Variants in MALRD1 observed in about 807,000 individuals in gnomAD.
MALRD1 encodes MAM and LDL receptor class A domain containing 1.
Under a neutral mutation model 242.1 loss-of-function variants are expected in MALRD1, and 247 were observed. That is an observed-to-expected ratio of 1.02 (90% CI 0.92 to 1.13). MALRD1 has a LOEUF of 1.13. Ranked by LOEUF, MALRD1 falls within the 50% of genes most tolerant of loss-of-function variation. The pLI is 0.00. For synonymous variants in MALRD1, 995 were observed against 866.6 expected (o/e 1.15, Z -2.60); for missense variants, 2,989 against 2,533.1 (o/e 1.18, Z -3.86).
intron 32 of MALRD1, among the ~76,000 whole-genome samples, chr10:19,541,195 A>G (rs1009914724): frequency 1.3e-5 from 2 of 152,106 alleles, no homozygotes; most frequent in African/African-American, 4.8e-5. Context: ...GTTCTCTTTC[A>G]TTTCTGTTTA....
intron 36 of MALRD1, among the ~76,000 whole-genome samples, chr10:19,670,900 A>G (rs921264479): frequency 1.4e-5 from 2 of 140,920 alleles, no homozygotes; most frequent in Non-Finnish European, 3.0e-5. Context: ...TTTTTTTGAG[A>G]TGGAGTCTTG....
intron 13 of MALRD1, among the ~76,000 whole-genome samples, chr10:19,172,120 CAT>C (rs1414747766): frequency 1.4e-5 from 2 of 139,746 alleles, no homozygotes; most frequent in African/African-American, 5.6e-5. Flanking sequence ...TATGTATATA[CAT>C]ATATACACAT....
At chr10:19,103,772 A>G (rs796662588) in intron 4 of MALRD1, among the ~76,000 whole-genome samples, 28 of 152,242 alleles carry the variant, frequency 1.8e-4, no homozygotes, top group African/African-American at 6.3e-4. Context: ...CCTATGCCAG[A>G]CATTTGAGAT....
At chr10:19,178,544 A>G (rs1453474338) in intron 14 of MALRD1, among the ~76,000 whole-genome samples, 2 of 152,228 alleles carry the variant, frequency 1.3e-5, no homozygotes, top group African/African-American at 2.4e-5. Context: ...CTTCAAAGCA[A>G]TCTTAGAGCT....
Position 19,646,855 on chromosome 10 carries a change from G to A in MALRD1, c.6137+30932G>A, listed in dbSNP as rs115120212. 2.8e-3 allele frequency among the ~76,000 whole-genome samples: 421 copies of A among 152,256 alleles called. 2 individuals are homozygous for A. Among genetic ancestry groups the A allele is most frequent in the African/African-American group, 9.7e-3 (403 of 41,542 alleles). The stretch of plus-strand genomic sequence containing the variant: ...ACTCTCATTTGTGACAGAAGAAAGG[G>A]ACAGAAGGCATTGCATTGTAGTTTA... On this transcript the variant is annotated intron_variant, in intron 36 of 39. Transcript: ENST00000454679.
At chr10:19,050,336 C>T (rs1193702135) in intron 1 of MALRD1, among the ~76,000 whole-genome samples, 1 of 151,418 alleles carries the variant, frequency 6.6e-6, no homozygotes, top group African/African-American at 2.4e-5. Flanking sequence ...ATCCGCCCGC[C>T]TCGGCCTCCC....
intron 29 of MALRD1, among the ~76,000 whole-genome samples, chr10:19,483,675 G>T (rs1018249073): frequency 2.1e-4 from 32 of 152,066 alleles, no homozygotes; most frequent in Non-Finnish European, 4.7e-4. Flanking sequence ...ATACACTGCT[G>T]GTGGAAATAT....
chr10:19,370,568 A>G lies in MALRD1; in HGVS notation c.4442-16960A>G, dbSNP rs140625024. 2.0e-5 allele frequency among the ~76,000 whole-genome samples: 3 copies of G among 151,972 alleles called. No homozygotes were observed. In the South Asian group the frequency reaches 6.2e-4, roughly 32 times the overall value. On this transcript the variant is annotated intron_variant, in intron 26 of 39. Coordinates refer to ENST00000454679, the MANE Select transcript of MALRD1 (RefSeq NM_001142308.3). ...TATTTTACAGCTTTGCTAAATTCACATATTGTTTTGTTTTGTTTTGTTTTT... is the reference window on the plus strand; with the variant it reads ...TATTTTACAGCTTTGCTAAATTCACGTATTGTTTTGTTTTGTTTTGTTTTT...
intron 11 of MALRD1, 126 bp from the exon 12 acceptor site, chr10:19,154,949 A>G: frequency 2.3e-6 from 1 of 437,160 alleles, no homozygotes; most frequent in Non-Finnish European, 3.8e-6. Flanking sequence ...ATAATAGTAA[A>G]CATGTAAAAA....
At chr10:19,521,627 G>C (rs3864834) in intron 31 of MALRD1, among the ~76,000 whole-genome samples, 37,775 of 151,956 alleles carry the variant, frequency 0.25, 7,499 homozygotes, top group African/African-American at 0.56. Flanking sequence ...TAATATTTTA[G>C]AAGATTCAGT....
intron 38 of MALRD1, among the ~76,000 whole-genome samples, chr10:19,709,243 T>TAAAAAAAAAAAAAAAAAAAAAAAA (rs557818453): frequency 1.9e-5 from 2 of 105,972 alleles, no homozygotes; most frequent in Admixed American, 1.0e-4. Context: ...CCGTCTGTAC[T>TAAAAAAAAAAAAAAAAAAAAAAAA]AAAAAAAAAA....
At chr10:19,244,246 C>A (rs1206999556) in intron 18 of MALRD1, among the ~76,000 whole-genome samples, 3 of 152,098 alleles carry the variant, frequency 2.0e-5, no homozygotes, top group South Asian at 2.1e-4. Flanking sequence ...TCTTTCCTTG[C>A]ACGCTTAGAT....
intron 11 of MALRD1, among the ~76,000 whole-genome samples, chr10:19,154,433 T>C (rs549748737): frequency 4.6e-5 from 7 of 152,214 alleles, no homozygotes; most frequent in Non-Finnish European, 8.8e-5. Context: ...TTGTTGGGTA[T>C]AGCCTTCCTT....
chr10:19,353,243 G>T (rs563007824), intron 26 of MALRD1, among the ~76,000 whole-genome samples: 294 of 152,250 alleles, frequency 1.9e-3, no homozygotes, highest in Non-Finnish European at 3.3e-3. Flanking sequence ...TGGGGCTCAA[G>T]AGATCCACCT....
intron 30 of MALRD1, among the ~76,000 whole-genome samples, chr10:19,494,338 C>G (rs1361937796): frequency 6.6e-6 from 1 of 152,122 alleles, no homozygotes; most frequent in African/African-American, 2.4e-5. Flanking sequence ...TAAGAAAGAA[C>G]CAGTGAAAGA....
chr10:19,259,784 T>C (rs1400889954), intron 19 of MALRD1, among the ~76,000 whole-genome samples: 1 of 152,188 alleles, frequency 6.6e-6, no homozygotes, highest in Non-Finnish European at 1.5e-5. Context: ...CCTTCTGGTC[T>C]CTGCCAGAGT....
In MALRD1 at chr10:19,621,100, A is replaced by G. The variant is rs182042589; in HGVS notation, c.6137+5177A>G. On this transcript the variant is annotated intron_variant, in intron 36 of 39. Transcript: ENST00000454679. ...TTGTAAACTATCTCAAATTTCATCA[A>G]ATGAAGAGACAAATGAAATTTTCAT... Among the ~76,000 whole-genome samples, 315 of 151,880 alleles carry G rather than the reference A, an allele frequency of 2.1e-3. 2 individuals are homozygous for G. Among genetic ancestry groups the G allele is most frequent in the African/African-American group, 6.3e-3 (260 of 41,518 alleles).
At chr10:19,427,400 T>C (rs188135163) in intron 28 of MALRD1, among the ~76,000 whole-genome samples, 1 of 152,318 alleles carries the variant, frequency 6.6e-6, no homozygotes, top group East Asian at 1.9e-4. Context: ...CACCCTGGTG[T>C]TTCAGCAGTT....
chr10:19,493,610 C>T (rs1251464919), intron 30 of MALRD1, among the ~76,000 whole-genome samples: 1 of 149,676 alleles, frequency 6.7e-6, no homozygotes, highest in African/African-American at 2.5e-5. Context: ...GAGTTCAAGA[C>T]CAGCCTGGCC....
Sources: allele counts gnomAD v4.1 joint callset (sites outside exome capture counted in the v4.1 genomes callset), GRCh38; gene constraint gnomAD v4.1.1; transcripts MANE v1.5; gene names NCBI Gene and HGNC (gene_info 2026-07-23, HGNC 2026-07-21).